ART3: variants seen among roughly 807,000 people sequenced by gnomAD.
The protein encoded by ART3 is ecto-ADP-ribosyltransferase 3.
A neutral mutation model predicts 48.5 loss-of-function variants in ART3; 49 were observed. The ratio of observed to expected loss-of-function variants is 1.01; its 90% confidence interval spans 0.80 to 1.28. The LOEUF is 1.28. Ranked by LOEUF, ART3 falls within the 50% of genes most tolerant of loss-of-function variation. The pLI, the probability that ART3 is intolerant of heterozygous loss-of-function variation, is 0.00. For synonymous variants in ART3, 145 were observed against 157.2 expected, an observed-to-expected ratio of 0.92 and a Z score of 0.58; for missense variants, 438 against 454.3, an observed-to-expected ratio of 0.96 and a Z score of 0.33.
At chr4:76,086,999 G>A (rs1015903845) in intron 3 of ART3, among the ~76,000 whole-genome samples, 1 of 152,174 alleles carries the variant, frequency 6.6e-6, no homozygotes, top group Non-Finnish European at 1.5e-5. Context: ...CCAAAAACCC[G>A]GCTGCAGCTG....
intron 2 of ART3, among the ~76,000 whole-genome samples, chr4:76,077,259 G>A (rs560287391): frequency 4.6e-5 from 7 of 152,108 alleles, no homozygotes; most frequent in South Asian, 2.1e-4. Flanking sequence ...TGGATATTTC[G>A]CCTAAATGGA....
Position 76,091,545 on chromosome 4 carries a change from C to T in ART3, c.782-6099C>T, listed in dbSNP as rs564392967. Among the ~76,000 whole-genome samples the T allele has an allele frequency of 1.8e-4, 28 of 152,240 alleles. No individual in the cohort carries two copies. In the Middle Eastern group the frequency reaches 0.017, roughly 92 times the overall value. ...TGCCATTTGTATATATTTACTGAAA[C>T]ACCTGCTCAAAGATTTTTGTCCACT... On this transcript the variant is annotated intron_variant, in intron 3 of 11. Transcript: ENST00000355810.
intron 1 of ART3, among the ~76,000 whole-genome samples, chr4:76,062,686 G>A (rs984814846): frequency 4.8e-5 from 7 of 147,196 alleles, no homozygotes; most frequent in Admixed American, 7.0e-5. Flanking sequence ...TCAGCCTCCC[G>A]AGTAGCTGGG....
intron 1 of ART3, chr4:76,034,871 G>T: frequency 6.7e-7 from 1 of 1,499,810 alleles, no homozygotes; most frequent in Non-Finnish European, 9.2e-7. Context: ...TTTCCCCCAG[G>T]ACATCTAAAA....
intron 10 of ART3, among the ~76,000 whole-genome samples, chr4:76,106,820 T>G (rs1174639599): frequency 6.6e-6 from 1 of 152,264 alleles, no homozygotes; most frequent in African/African-American, 2.4e-5. Flanking sequence ...GAAGAGGTGA[T>G]TTCCTTGAAA....
At chr4:76,097,769 C>T (rs1224922253) in intron 4 of ART3, 93 bp downstream of exon 4, 22 of 987,414 alleles carry the variant, frequency 2.2e-5, no homozygotes, top group Non-Finnish European at 2.9e-5. Flanking sequence ...ACTGTACTGT[C>T]GTTCTGTCAA....
In ART3 at chr4:76,112,635, A is replaced by G. The variant is rs552721753; in HGVS notation, c.*116A>G. The G allele has an allele frequency of 1.6e-6, 2 of 1,212,900 alleles. No homozygotes were observed. The highest frequency in any genetic ancestry group is 3.5e-5 in the South Asian group (2 of 57,394). 75.1% of individuals were successfully genotyped at this position (1,212,900 alleles called of 1,614,324 possible). A position where few individuals can be genotyped will look rare whatever the true frequency, so the allele number is the denominator to read the frequency against. ...TTGGCCAAAGTCACTGGATAAAATG[A>G]GAATTGTATATTTGTTATTCATTTT... is the stretch of plus-strand genomic sequence containing the variant. On this transcript the variant is annotated 3_prime_UTR_variant, in exon 12 of 12. Coordinates refer to ENST00000355810, the MANE Select transcript of ART3 (RefSeq NM_001130016.3).
Position 76,082,513 on chromosome 4 carries a change from T to C in ART3, c.759T>C (p.His253=). Residue 253 remains histidine (H), a synonymous_variant, in exon 3 of 12, where the codon CAT becomes CAC. Transcript: ENST00000355810. The part of the protein sequence containing the change: ...ILQSINKTCS[H]YECAFLGGLK... ...AAAGCATAAACAAGACCTGCAGCCA[T>C]TATGAGTGTGCATTTCTAGGTGGTA... The C allele has an allele frequency of 6.3e-7, 1 of 1,591,072 alleles. No homozygotes were observed. Among genetic ancestry groups the C allele is most frequent in the Non-Finnish European group, 8.6e-7 (1 of 1,168,584 alleles).
chr4:76,085,786 T>A lies in ART3; in HGVS notation c.781+3251T>A, dbSNP rs1393532444. On this transcript the variant is annotated intron_variant, in intron 3 of 11. Transcript: ENST00000355810. ...TTTAAATAGAAATTAAAAATAGAAC[T>A]GCTGGTCAGGCACAGTGGCTCATGC... 3.3e-5 allele frequency among the ~76,000 whole-genome samples: 5 copies of A among 152,260 alleles called. No individual in the cohort carries two copies. In the South Asian group the frequency reaches 6.2e-4, roughly 19 times the overall value.
chr4:76,051,845 A>T (rs903283954), intron 1 of ART3, among the ~76,000 whole-genome samples: 1 of 150,900 alleles, frequency 6.6e-6, no homozygotes, highest in African/African-American at 2.5e-5. Flanking sequence ...CCTGGCTGAC[A>T]ATGAATTTTA....
chr4:76,098,632 G>C (rs182594006), intron 4 of ART3, among the ~76,000 whole-genome samples: 1 of 151,994 alleles, frequency 6.6e-6, no homozygotes, highest in Non-Finnish European at 1.5e-5. Flanking sequence ...GGTGGCAGGC[G>C]CCTGTAATCC....
chr4:76,096,493 G>T (rs370019563), intron 3 of ART3, among the ~76,000 whole-genome samples: 6 of 152,298 alleles, frequency 3.9e-5, no homozygotes, highest in African/African-American at 1.4e-4. Flanking sequence ...TCCTCCTCAG[G>T]TAGCTGAACT....
chr4:76,080,235 G>T (rs557357850), intron 2 of ART3, among the ~76,000 whole-genome samples: 8 of 152,262 alleles, frequency 5.3e-5, no homozygotes, highest in Admixed American at 2.0e-4. Flanking sequence ...CAGGTTCTGT[G>T]CTAGGTGTGT....
upstream of ART3, among the ~76,000 whole-genome samples, chr4:76,072,528 A>G (rs1369676706): frequency 4.6e-5 from 7 of 151,880 alleles, no homozygotes; most frequent in Non-Finnish European, 8.8e-5. Flanking sequence ...AAGCCACCAT[A>G]ATCTCTGCTT....
chr4:76,054,342 G>A (rs1718469788), intron 1 of ART3, among the ~76,000 whole-genome samples: 1 of 152,032 alleles, frequency 6.6e-6, no homozygotes, highest in Non-Finnish European at 1.5e-5. Context: ...CCATTTATAA[G>A]GAGTATTTCA....
At chr4:76,035,382 T>C (rs1195480271) in intron 1 of ART3, 1 of 1,600,830 alleles carries the variant, frequency 6.2e-7, no homozygotes, top group South Asian at 1.1e-5. Flanking sequence ...TGCATCTGAT[T>C]GCAACAGATG....
intron 11 of ART3, among the ~76,000 whole-genome samples, chr4:76,109,817 A>G (rs941589288): frequency 6.6e-6 from 1 of 152,148 alleles, no homozygotes; most frequent in African/African-American, 2.4e-5. Flanking sequence ...CTGCCTATCC[A>G]CTTCTCTGTG....
Position 76,098,194 on chromosome 4 carries a change from T to C in ART3, c.814+518T>C, listed in dbSNP as rs1726439302. Among the ~76,000 whole-genome samples the C allele has an allele frequency of 2.5e-5, 3 of 118,788 alleles. 1 individual carries two copies. In the South Asian group the frequency reaches 8.7e-4, roughly 34 times the overall value. 77.9% of individuals were successfully genotyped at this position (118,788 alleles called of 152,430 possible). ...ACTTCCTCGGGGAAAAATAAGAGGA[T>C]GTGACCAAAAAAAAAAAAAAAAATC... On this transcript the variant is annotated intron_variant, in intron 4 of 11. Transcript: ENST00000355810.
chr4:76,068,809 A>G (rs1206481419), intron 1 of ART3, among the ~76,000 whole-genome samples: 1 of 152,208 alleles, frequency 6.6e-6, no homozygotes, highest in Non-Finnish European at 1.5e-5. Context: ...AAGAAAAAAA[A>G]TTCATTCATG....
Sources: allele counts gnomAD v4.1 joint callset (sites outside exome capture counted in the v4.1 genomes callset), GRCh38; gene constraint gnomAD v4.1.1; transcripts MANE v1.5; gene names NCBI Gene and HGNC (gene_info 2026-07-23, HGNC 2026-07-21).